POC1A: variants seen among roughly 807,000 people sequenced by gnomAD.
The protein encoded by POC1A is POC1 centriolar protein homolog A.
A neutral mutation model predicts 47.8 loss-of-function variants in POC1A; 34 were observed. The observed-to-expected ratio is 0.71, with a 90% CI of 0.54 to 0.95. POC1A has a LOEUF of 0.95. Among genes scored for constraint, POC1A ranks in the 40% least tolerant of loss-of-function variants. POC1A has a pLI of 0.00. For synonymous variants in POC1A, 177 were observed against 207.6 expected (o/e 0.85, Z 1.27); for missense variants, 466 against 528.3 (o/e 0.88, Z 1.16).
chr3:52,112,535 G>C (rs756217263), intron 9 of POC1A, among the ~76,000 whole-genome samples: 1 of 152,082 alleles, frequency 6.6e-6, no homozygotes, highest in Admixed American at 6.6e-5. Flanking sequence ...CCAGCTATTC[G>C]GGAGGCTGAG....
Position 52,075,479 on chromosome 3 carries a change from T to G in POC1A, c.*408A>C, listed in dbSNP as rs1299187453. 5.7e-6 allele frequency: 1 copy of G among 174,540 alleles called. No individual in the cohort carries two copies. Among genetic ancestry groups the G allele is most frequent in the Non-Finnish European group, 1.3e-5 (1 of 79,872 alleles). 10.8% of individuals were successfully genotyped at this position (174,540 alleles called of 1,614,324 possible). A position where few individuals can be genotyped will look rare whatever the true frequency, so the allele number is the denominator to read the frequency against. On this transcript the variant is annotated 3_prime_UTR_variant, in exon 11 of 11. Coordinates refer to ENST00000296484, the MANE Select transcript of POC1A (RefSeq NM_015426.5). Reference sequence around the variant, plus strand: ...GCTCATCCAATCAATGTGCAATCAATTTCTACACCATGGCAGAGGTAGGAA... The same window carrying G: ...GCTCATCCAATCAATGTGCAATCAAGTTCTACACCATGGCAGAGGTAGGAA...
rs556311807 is a variant in POC1A, at chr3:52,080,474, A to T, written c.1126-4489T>A. Among the ~76,000 whole-genome samples, 5 of 152,270 alleles carry T rather than the reference A, an allele frequency of 3.3e-5. 1 individual carries two copies. Among genetic ancestry groups the T allele is most frequent in the African/African-American group, 1.2e-4 (5 of 41,550 alleles). On this transcript the variant is annotated intron_variant, in intron 10 of 10. Transcript: ENST00000296484. ...AAACTCCTACCTCAGCCACAGTGGG[A>T]ATGGACAGCCCCCAGGGTCACCCAC...
rs371124085 is a variant in POC1A at position 52,146,950 on chromosome 3, G to A, written c.563+38C>T. 85 of 1,532,264 alleles carry A rather than the reference G, an allele frequency of 5.5e-5. No homozygotes were observed. In the African/African-American group the frequency reaches 1.0e-3, roughly 18 times the overall value. 94.9% of individuals were successfully genotyped at this position (1,532,264 alleles called of 1,614,324 possible). A position where few individuals can be genotyped will look rare whatever the true frequency, so the allele number is the denominator to read the frequency against. ...ATGCCCAGGTCTGTGCTCTGTGCTT[G>A]AGCGCCTACAGGTGGAGGACAGCAT... On this transcript the variant is annotated intron_variant, in intron 5 of 10. Transcript: ENST00000296484.
Position 52,122,394 on chromosome 3 carries a change from G to T in POC1A, c.966C>A (p.Ser322Arg). The T allele has an allele frequency of 5.0e-6, 8 of 1,601,602 alleles. No individual in the cohort carries two copies. The highest frequency in any genetic ancestry group is 6.8e-6 in the Non-Finnish European group (8 of 1,168,606). ...AGCCACTTACCAGATTCCCCATGGA[G>T]CTGGCCAGTGTGGCTGGGGGCCTCG... ...KVPRPPATLASSMGNLPEVDF... is the reference protein window; with the variant it reads ...KVPRPPATLARSMGNLPEVDF... The change falls in exon 9 of 11, where the codon AGC becomes AGA. Residue 322 changes from serine (S) to arginine (R), a missense_variant. Coordinates refer to ENST00000296484, the MANE Select transcript of POC1A (RefSeq NM_015426.5).
rs780073775 is a variant in POC1A at position 52,079,431 on chromosome 3, G to C, written c.1126-3446C>G. ...GAGGGTGAGGAGGAGCGCTCTGCAG[G>C]CAAATACCTCTGCGGCCTCCCCGGG... is the stretch of plus-strand genomic sequence containing the variant. On this transcript the variant is annotated intron_variant, in intron 10 of 10. Transcript: ENST00000296484. The surrounding 1 kb of genome is among the most constrained non-coding windows in gnomAD (Gnocchi z 4.6). Among the ~76,000 whole-genome samples, 8 of 152,212 alleles carry C rather than the reference G, an allele frequency of 5.3e-5. No individual in the cohort carries two copies. Among genetic ancestry groups the C allele is most frequent in the Non-Finnish European group, 1.0e-4 (7 of 68,044 alleles).
intron 10 of POC1A, among the ~76,000 whole-genome samples, chr3:52,088,773 C>T (rs1702546288): frequency 6.6e-6 from 1 of 151,864 alleles, no homozygotes. Flanking sequence ...CAGAGCAAGC[C>T]TAGATTCAGC....
intron 10 of POC1A, among the ~76,000 whole-genome samples, chr3:52,080,412 G>C (rs1702243336): frequency 6.6e-6 from 1 of 152,234 alleles, no homozygotes; most frequent in African/African-American, 2.4e-5. Flanking sequence ...TCCTGGTTTA[G>C]GCTGCCTGGC....
intron 7 of POC1A, among the ~76,000 whole-genome samples, chr3:52,136,082 G>A (rs1384316214): frequency 2.8e-4 from 43 of 152,172 alleles, no homozygotes; most frequent in Non-Finnish European, 4.4e-5. Context: ...GAATCAGTTT[G>A]CAGAACCCTG....
At chr3:52,101,367 A>T (rs1485130918) in intron 9 of POC1A, among the ~76,000 whole-genome samples, 1 of 134,142 alleles carries the variant, frequency 7.5e-6, no homozygotes, top group East Asian at 2.2e-4. Flanking sequence ...CATTTAATAA[A>T]ACATTATGAG....
chr3:52,128,044 G>A (rs746477423), intron 7 of POC1A, among the ~76,000 whole-genome samples: 5 of 152,002 alleles, frequency 3.3e-5, no homozygotes, highest in Non-Finnish European at 5.9e-5. Flanking sequence ...ACACTAATAC[G>A]AACACCAAAC....
chr3:52,105,905 A>T (rs1399464082), intron 9 of POC1A, among the ~76,000 whole-genome samples: 3 of 152,148 alleles, frequency 2.0e-5, no homozygotes, highest in Non-Finnish European at 4.4e-5. Context: ...GTCATTTTTG[A>T]AAGTTCAGGC....
At chr3:52,130,652 C>A (rs576285587) in intron 7 of POC1A, among the ~76,000 whole-genome samples, 115 of 152,326 alleles carry the variant, frequency 7.5e-4, no homozygotes, top group Non-Finnish European at 1.2e-3. Flanking sequence ...CCAGGTGTGA[C>A]CCTCCTGAGC....
Position 52,138,259 on chromosome 3 carries a change from TC to T in POC1A, c.722del (p.Gly241GlufsTer4). On this transcript the variant is annotated frameshift_variant, in exon 7 of 11. Coordinates refer to ENST00000296484, the MANE Select transcript of POC1A (RefSeq NM_015426.5). LOFTEE classifies it high-confidence loss of function. ...AVNGLSFHPS[G>X]NYLITASSDS... is the part of the protein sequence containing the mutation. ...CACTGGAGGCTGTGATCAGGTAGTT[TC>T]CCGACGGGTGGAAAGAGAGCCCGTT... The T allele has an allele frequency of 6.2e-7, 1 of 1,614,106 alleles. No homozygotes were observed. Among genetic ancestry groups the T allele is most frequent in the Non-Finnish European group, 8.5e-7 (1 of 1,179,980 alleles).
In POC1A at chr3:52,111,964, G is replaced by A. The variant is rs185316766; in HGVS notation, c.981+10415C>T. 1.4e-3 allele frequency among the ~76,000 whole-genome samples: 218 copies of A among 152,316 alleles called. 1 individual carries two copies. Among genetic ancestry groups the A allele is most frequent in the Middle Eastern group, 0.01 (3 of 294 alleles). On this transcript the variant is annotated intron_variant, in intron 9 of 10. Transcript: ENST00000296484. ...CTAATGGCAGGAGTACTAAGGGGCAGGACAGAAGCTGGGACAGAACAACAG... is the reference window on the plus strand; with the variant it reads ...CTAATGGCAGGAGTACTAAGGGGCAAGACAGAAGCTGGGACAGAACAACAG...
intron 7 of POC1A, among the ~76,000 whole-genome samples, chr3:52,127,218 G>A (rs902219265): frequency 6.6e-5 from 10 of 152,152 alleles, no homozygotes; most frequent in Non-Finnish European, 1.2e-4. Context: ...AAGACATCAC[G>A]GGCTGTGTGG....
intron 6 of POC1A, among the ~76,000 whole-genome samples, chr3:52,141,465 T>G (rs1049928208): frequency 1.3e-5 from 2 of 152,250 alleles, no homozygotes. Context: ...ACACGGTGGC[T>G]CTGGGTTGAC....
intron 9 of POC1A, 54 bp downstream of exon 9, chr3:52,122,325 T>G: frequency 4.2e-5 from 44 of 1,042,508 alleles, no homozygotes; most frequent in Non-Finnish European, 5.9e-5. Context: ...CTGTTCACCA[T>G]GACCTAGCCC....
In POC1A at chr3:52,147,074, G is replaced by A. The variant is rs376109541; in HGVS notation, c.477C>T (p.Leu159=). 2 of 1,613,960 alleles carry A rather than the reference G, an allele frequency of 1.2e-6. No homozygotes were observed. Among genetic ancestry groups the A allele is most frequent in the Non-Finnish European group, 1.7e-6 (2 of 1,180,016 alleles). ...RCAKFSPDGR[L]IVSASDDKTV... is the part of the protein sequence containing the mutation. ...TCTTGTCATCACTGGCAGACACGAT[G>A]AGCCGCCCGTCGGGGGAGAACCTGA... is the stretch of plus-strand genomic sequence containing the variant. Residue 159 remains leucine, a synonymous_variant, in exon 5 of 11, where the codon CTC becomes CTT. Coordinates refer to ENST00000296484, the MANE Select transcript of POC1A (RefSeq NM_015426.5).
At chr3:52,151,251 G>C in intron 1 of POC1A, 151 bp from the exon 2 acceptor site, 2 of 1,167,686 alleles carry the variant, frequency 1.7e-6, no homozygotes, top group Admixed American at 3.3e-5. Flanking sequence ...ATCCACTTAG[G>C]ATTAGTTTTT....
Sources: gnomAD v4.1 joint callset for allele counts (sites outside exome capture counted in the v4.1 genomes callset) on GRCh38, gnomAD v4.1.1 for gene constraint, Gnocchi (gnomAD v3.1) non-coding constraint, MANE v1.5 for transcripts, NCBI Gene and HGNC (gene_info 2026-07-23, HGNC 2026-07-21) for gene names.